The following FAM13C variants were observed in gnomAD, a reference collection of about 807,000 sequenced individuals.
The protein encoded by FAM13C is family with sequence similarity 13 member C, also known as protein FAM13C.
In FAM13C, 37 loss-of-function variants were observed where a neutral mutation model predicts 73.2. That is an observed-to-expected ratio of 0.51 (90% CI 0.39 to 0.67). The LOEUF (loss-of-function observed/expected upper bound fraction) is 0.67. FAM13C is among the 30% of genes least tolerant of loss of function. FAM13C has a pLI of 0.00. For synonymous variants in FAM13C, 246 were observed against 260.9 expected, an observed-to-expected ratio of 0.94 and a Z score of 0.55; for missense variants, 589 against 715.6, an observed-to-expected ratio of 0.82 and a Z score of 2.02.
chr10:59,361,623 T>C (rs769829999), intron 1 of FAM13C, among the ~76,000 whole-genome samples: 17 of 152,064 alleles, frequency 1.1e-4, no homozygotes, highest in Admixed American at 2.6e-4. Flanking sequence ...TATATGTATA[T>C]ATAAATTACA....
At chr10:59,328,917 C>T (rs753825638) in intron 3 of FAM13C, among the ~76,000 whole-genome samples, 5 of 152,214 alleles carry the variant, frequency 3.3e-5, no homozygotes, top group Admixed American at 1.3e-4. Flanking sequence ...TGTAAATCTA[C>T]CCTATCCTAC....
At position 59,352,491 on chromosome 10, in the gene FAM13C, C is replaced by T; in HGVS notation, c.120-17G>A. The T allele has an allele frequency of 6.3e-7, 1 of 1,580,394 alleles. No homozygotes were observed. Among genetic ancestry groups the T allele is most frequent in the Non-Finnish European group, 8.6e-7 (1 of 1,163,356 alleles). ...TTTTCATCTCTAAAACAGGAAAGACCCAATTTAGAAAGTACCTTAAAAAAA... is the reference window on the plus strand; with the variant it reads ...TTTTCATCTCTAAAACAGGAAAGACTCAATTTAGAAAGTACCTTAAAAAAA... On this transcript the variant is annotated splice_polypyrimidine_tract_variant and intron_variant, in intron 2 of 13. Coordinates refer to ENST00000618804, the MANE Select transcript of FAM13C (RefSeq NM_198215.4).
Position 59,265,380 on chromosome 10 carries a change from C to T in FAM13C, c.943-1214G>A, listed in dbSNP as rs549345129. 4.2e-3 allele frequency among the ~76,000 whole-genome samples: 565 copies of T among 134,106 alleles called. 2 individuals are homozygous for T. The highest frequency in any genetic ancestry group is 0.015 in the African/African-American group (541 of 35,978). The allele number at this position is 134,106 out of a possible 152,430, so 88.0% of individuals were successfully genotyped here. A position where few individuals can be genotyped will look rare whatever the true frequency, so the allele number is the denominator to read the frequency against. On this transcript the variant is annotated intron_variant, in intron 8 of 13. Transcript: ENST00000618804. The stretch of plus-strand genomic sequence containing the variant: ...TGGACAGTGACACGTGGCCATCAAT[C>T]CCCAGCTCTCTAAAACAGCTTAGCC...
chr10:59,253,689 G>A (rs2251512), intron 11 of FAM13C: 149,477 of 152,298 alleles, frequency 0.98, 73,392 homozygotes, highest in Middle Eastern at 1. Flanking sequence ...CTCAAAAAAA[G>A]TGGAAGTATA....
intron 3 of FAM13C, among the ~76,000 whole-genome samples, chr10:59,347,331 T>A (rs1348866309): frequency 1.3e-5 from 2 of 152,108 alleles, no homozygotes; most frequent in Non-Finnish European, 2.9e-5. Context: ...CACCCATGGT[T>A]CATTCTTATA....
At chr10:59,292,323 T>C (rs1364531722) in intron 5 of FAM13C, among the ~76,000 whole-genome samples, 1 of 152,258 alleles carries the variant, frequency 6.6e-6, no homozygotes, top group Non-Finnish European at 1.5e-5. Context: ...AAAGCTAGTC[T>C]GGGTTGTAGC....
chr10:59,310,292 T>C (rs1848768091), intron 4 of FAM13C, among the ~76,000 whole-genome samples: 1 of 152,180 alleles, frequency 6.6e-6, no homozygotes, highest in Non-Finnish European at 1.5e-5. Context: ...TGGTGTTTCC[T>C]GAAACTCTTT....
intron 3 of FAM13C, among the ~76,000 whole-genome samples, chr10:59,342,693 G>C (rs1486192661): frequency 6.6e-6 from 1 of 152,044 alleles, no homozygotes; most frequent in Non-Finnish European, 1.5e-5. Flanking sequence ...AAAACTATGG[G>C]GTCCGAAATT....
At chr10:59,321,438 T>C (rs957385665) in intron 4 of FAM13C, among the ~76,000 whole-genome samples, 17 of 133,816 alleles carry the variant, frequency 1.3e-4, no homozygotes, top group African/African-American at 5.0e-4. Flanking sequence ...ACACCTTTTT[T>C]TTTTTTTTTT....
At chr10:59,350,972 G>A (rs1337497792) in intron 3 of FAM13C, among the ~76,000 whole-genome samples, 2 of 152,170 alleles carry the variant, frequency 1.3e-5, no homozygotes, top group Non-Finnish European at 2.9e-5. Flanking sequence ...TGCATTACAC[G>A]TAAAATCTCA....
intron 3 of FAM13C, among the ~76,000 whole-genome samples, chr10:59,345,343 A>C (rs1314355470): frequency 5.3e-5 from 8 of 152,226 alleles, no homozygotes; most frequent in Non-Finnish European, 1.0e-4. Context: ...GTTAACTTAA[A>C]AGACTCAAAT....
chr10:59,278,338 G>A (rs1844553427), intron 6 of FAM13C, among the ~76,000 whole-genome samples: 1 of 152,148 alleles, frequency 6.6e-6, no homozygotes, highest in Admixed American at 6.6e-5. Context: ...ATATCATAGA[G>A]TTCTTGTGCA....
At chr10:59,347,138 G>A (rs531441650) in intron 3 of FAM13C, among the ~76,000 whole-genome samples, 3 of 152,098 alleles carry the variant, frequency 2.0e-5, no homozygotes, top group Non-Finnish European at 4.4e-5. Context: ...TCAAATAAGC[G>A]TTCTCCTTCT....
chr10:59,276,736 AT>A (rs1261425566), intron 6 of FAM13C, among the ~76,000 whole-genome samples: 1 of 152,188 alleles, frequency 6.6e-6, no homozygotes, highest in African/African-American at 2.4e-5. Flanking sequence ...GGAAGAAGAA[AT>A]TTTTAAACAA....
chr10:59,336,494 C>A (rs553172172), intron 3 of FAM13C, among the ~76,000 whole-genome samples: 40 of 152,298 alleles, frequency 2.6e-4, no homozygotes, highest in African/African-American at 9.4e-4. Flanking sequence ...CACTTCCACT[C>A]CTAGAGCTGA....
intron 3 of FAM13C, among the ~76,000 whole-genome samples, chr10:59,351,753 G>A (rs987298190): frequency 6.6e-6 from 1 of 152,158 alleles, no homozygotes; most frequent in African/African-American, 2.4e-5. Flanking sequence ...CAGCACTTTG[G>A]GAGGCCGAGG....
intron 5 of FAM13C, among the ~76,000 whole-genome samples, chr10:59,291,543 T>G (rs1422581513): frequency 6.6e-6 from 1 of 152,164 alleles, no homozygotes; most frequent in African/African-American, 2.4e-5. Flanking sequence ...AGGAGCCTTC[T>G]GTTGACAAGA....
chr10:59,251,448 T>A, intron 13 of FAM13C, 127 bp downstream of exon 13: 1 of 807,096 alleles, frequency 1.2e-6, no homozygotes, highest in Non-Finnish European at 2.2e-6. Context: ...AAATCCTGAG[T>A]CTAAGCCAGT....
chr10:59,251,932 A>G (rs1242896547), intron 12 of FAM13C, among the ~76,000 whole-genome samples: 4 of 152,254 alleles, frequency 2.6e-5, no homozygotes, highest in African/African-American at 9.6e-5. Context: ...GATTGAATCC[A>G]CTGAAGGAAC....
Sources: allele counts gnomAD v4.1 joint callset (sites outside exome capture counted in the v4.1 genomes callset), GRCh38; gene constraint gnomAD v4.1.1; transcripts MANE v1.5; gene names NCBI Gene and HGNC (gene_info 2026-07-23, HGNC 2026-07-21).